The following TIAL1 variants were observed in gnomAD, a reference collection of about 807,000 sequenced individuals.
TIAL1 encodes TIA1 cytotoxic granule associated RNA binding protein like 1.
A neutral mutation model predicts 59.7 loss-of-function variants in TIAL1; 7 were observed. The ratio of observed to expected loss-of-function variants is 0.12; its 90% CI spans 0.07 to 0.22. The LOEUF is 0.22. TIAL1 is among the 10% of genes least tolerant of loss of function. The pLI, the probability that TIAL1 is intolerant of heterozygous loss-of-function variation, is 1.00. For synonymous variants in TIAL1, 149 were observed against 146.3 expected (o/e 1.02, Z -0.13); for missense variants, 225 against 462.5 (o/e 0.49, Z 4.71).
Position 119,575,561 on chromosome 10 carries a change from T to C in TIAL1, c.*104A>G. 1.3e-6 allele frequency: 2 copies of C among 1,484,228 alleles called. No individual in the cohort carries two copies. Among genetic ancestry groups the C allele is most frequent in the Non-Finnish European group, 1.9e-6 (2 of 1,074,562 alleles). The allele number at this position is 1,484,228 out of a possible 1,614,324, so 91.9% of individuals were successfully genotyped here. A position where few individuals can be genotyped will look rare whatever the true frequency, so the allele number is the denominator to read the frequency against. ...CTAAAGGTTCCAAACATTTCAATTTTTAAAATAAATATTTTCATTTTCCGA... is the reference window on the plus strand; with the variant it reads ...CTAAAGGTTCCAAACATTTCAATTTCTAAAATAAATATTTTCATTTTCCGA... On this transcript the variant is annotated 3_prime_UTR_variant, in exon 12 of 12. Coordinates refer to ENST00000436547, the MANE Select transcript of TIAL1 (RefSeq NM_003252.4).
intron 10 of TIAL1, 112 bp from the exon 11 acceptor site, chr10:119,576,862 A>G (rs1353415101): frequency 1.5e-5 from 21 of 1,434,752 alleles, no homozygotes; most frequent in Non-Finnish European, 1.9e-5. Flanking sequence ...TGTGAATAGG[A>G]CTCTGTTATT....
At position 119,584,875 on chromosome 10, in the gene TIAL1, G is replaced by C. The variant is rs988103062; in HGVS notation, c.130-2318C>G. Among the ~76,000 whole-genome samples, 3 of 151,996 alleles carry C rather than the reference G, an allele frequency of 2.0e-5. No individual in the cohort carries two copies. In the East Asian group the frequency reaches 5.8e-4, roughly 29 times the overall value. ...TAACCCAAGCACTTTGGGAGGGCGA[G>C]GTGGGCGGTTCACGAGGTCAGAAGA... On this transcript the variant is annotated intron_variant, in intron 2 of 11. Coordinates refer to ENST00000436547, the MANE Select transcript of TIAL1 (RefSeq NM_003252.4).
At chr10:119,590,760 GAGAGAAAGAAAGAA>G (rs1845817652) in intron 1 of TIAL1, among the ~76,000 whole-genome samples, 4 of 113,926 alleles carry the variant, frequency 3.5e-5, no homozygotes, top group African/African-American at 1.4e-4. Context: ...CAGAGAGAAA[GAGAGAAAGAAAGAA>G]AGAAAGAAAG....
At chr10:119,596,350 G>A in intron 1 of TIAL1, 84 bp downstream of exon 1, 2 of 1,513,524 alleles carry the variant, frequency 1.3e-6, no homozygotes, top group East Asian at 2.3e-5. Flanking sequence ...CCCGGCTTCG[G>A]CCCAGTCTCT....
intron 11 of TIAL1, among the ~76,000 whole-genome samples, 194 bp downstream of exon 11, chr10:119,576,417 C>A (rs1040812322): frequency 6.6e-6 from 1 of 152,160 alleles, no homozygotes; most frequent in Non-Finnish European, 1.5e-5. Context: ...CCCCAATCCC[C>A]CCTTTCCACC....
chr10:119,596,289 G>T, intron 1 of TIAL1, 145 bp downstream of exon 1: 1 of 800,924 alleles, frequency 1.2e-6, no homozygotes, highest in Non-Finnish European at 2.1e-6. Flanking sequence ...GGGGACAGAT[G>T]AGGAATGCAC....
intron 5 of TIAL1, chr10:119,580,738 T>G: frequency 9.7e-7 from 1 of 1,032,788 alleles, no homozygotes; most frequent in Non-Finnish European, 1.2e-6. Context: ...ATATAAATAA[T>G]GTATAATAAG....
intron 1 of TIAL1, 60 bp from the exon 2 acceptor site, chr10:119,588,308 TATC>T: frequency 1.1e-6 from 1 of 950,498 alleles, no homozygotes; most frequent in Non-Finnish European, 1.6e-6. Flanking sequence ...TCTAATGTGT[TATC>T]ATCTAATTCA....
At chr10:119,589,092 T>A (rs1173737752) in intron 1 of TIAL1, among the ~76,000 whole-genome samples, 2 of 152,178 alleles carry the variant, frequency 1.3e-5, no homozygotes, top group African/African-American at 2.4e-5. Flanking sequence ...GGGTTTTTGT[T>A]GTTTTGTTTT....
chr10:119,581,205 A>G (rs1479861534), intron 5 of TIAL1, among the ~76,000 whole-genome samples: 1 of 151,972 alleles, frequency 6.6e-6, no homozygotes, highest in Non-Finnish European at 1.5e-5. Context: ...TATGATAAAC[A>G]TTTTCTACAA....
intron 1 of TIAL1, among the ~76,000 whole-genome samples, chr10:119,588,831 T>G (rs1373534156): frequency 1.3e-5 from 2 of 152,220 alleles, no homozygotes; most frequent in Non-Finnish European, 2.9e-5. Context: ...GCATTATTAT[T>G]CTGTACCCTG....
chr10:119,592,763 TCACACA>T (rs55740460), intron 1 of TIAL1, among the ~76,000 whole-genome samples: 10 of 149,856 alleles, frequency 6.7e-5, no homozygotes, highest in East Asian at 5.9e-4. Context: ...TGAGATATTC[TCACACA>T]CACACACACA....
At chr10:119,588,025 AAAGTAAT>A in intron 2 of TIAL1, 120 bp downstream of exon 2, 1 of 519,906 alleles carries the variant, frequency 1.9e-6, no homozygotes, top group Non-Finnish European at 3.1e-6. Flanking sequence ...CAGCCAAATC[AAAGTAAT>A]AAGTCAACAC....
At chr10:119,590,796 G>GAAAGAAAC (rs1845834733) in intron 1 of TIAL1, among the ~76,000 whole-genome samples, 1 of 147,358 alleles carries the variant, frequency 6.8e-6, no homozygotes, top group Admixed American at 6.7e-5. Context: ...AAGAAAGAAA[G>GAAAGAAAC]AAAGAAAGAA....
chr10:119,577,421 G>C (rs180688828), intron 9 of TIAL1, 30 bp downstream of exon 9: 3 of 1,569,782 alleles, frequency 1.9e-6, no homozygotes, highest in Non-Finnish European at 2.6e-6. Flanking sequence ...AAATATAAGA[G>C]TAATAATGAT....
At position 119,574,018 on chromosome 10, in the gene TIAL1, G is replaced by C. The variant is rs1019757337; in HGVS notation, c.*1647C>G. The C allele has an allele frequency of 1.3e-5, 2 of 152,544 alleles. No homozygotes were observed. The highest frequency in any genetic ancestry group is 2.9e-5 in the Non-Finnish European group (2 of 68,022). The allele number at this position is 152,544 out of a possible 1,614,324, so 9.4% of individuals were successfully genotyped here. A position where few individuals can be genotyped will look rare whatever the true frequency, so the allele number is the denominator to read the frequency against. ...AATGTTTAGAAAACAGTAATTTGTG[G>C]GTACTAATCGCATCTTACTATGTAA... is the stretch of plus-strand genomic sequence containing the variant. On this transcript the variant is annotated 3_prime_UTR_variant, in exon 12 of 12. Transcript: ENST00000436547.
Position 119,578,773 on chromosome 10 carries a change from GTTCGGAT to G in TIAL1, c.502_508del (p.Ile168ProfsTer22). The stretch of plus-strand genomic sequence containing the variant: ...AGGTGGTTTACGAGTGGCCCAATTG[GTTCGGAT>G]TTGACGACCACCCAACCACTGACCG... On this transcript the variant is annotated frameshift_variant, in exon 7 of 12. Coordinates refer to ENST00000436547, the MANE Select transcript of TIAL1 (RefSeq NM_003252.4). LOFTEE classifies it high-confidence loss of function. 1 of 1,614,104 alleles carries G rather than the reference GTTCGGAT, an allele frequency of 6.2e-7. No individual in the cohort carries two copies. The highest frequency in any genetic ancestry group is 8.5e-7 in the Non-Finnish European group (1 of 1,180,022).
chr10:119,579,050 T>C, intron 6 of TIAL1: 1 of 551,952 alleles, frequency 1.8e-6, no homozygotes, highest in South Asian at 2.4e-5. Flanking sequence ...GCCCTTTATC[T>C]TACCACTTCA....
At chr10:119,579,684 ACC>A (rs939210221) in intron 6 of TIAL1, among the ~76,000 whole-genome samples, 1 of 152,212 alleles carries the variant, frequency 6.6e-6, no homozygotes, top group African/African-American at 2.4e-5. Flanking sequence ...AATCCATCTG[ACC>A]TTTACCAATG....
Sources: gnomAD v4.1 joint callset for allele counts (sites outside exome capture counted in the v4.1 genomes callset) on GRCh38, gnomAD v4.1.1 for gene constraint, MANE v1.5 for transcripts, NCBI Gene and HGNC (gene_info 2026-07-23, HGNC 2026-07-21) for gene names.